Variants in PLPPR5 observed in about 807,000 individuals in gnomAD.
The protein encoded by PLPPR5 is phospholipid phosphatase-related protein type 5.
Under a neutral mutation model 33.9 loss-of-function variants are expected in PLPPR5, and 16 were observed. That is an observed-to-expected ratio of 0.47 (90% CI 0.32 to 0.72). The LOEUF is 0.72. Ranked by LOEUF, PLPPR5 falls within the 30% of genes least tolerant of loss-of-function variation. PLPPR5 has a pLI of 0.03. For missense variants in PLPPR5, 301 were observed against 406.7 expected, an observed-to-expected ratio of 0.74 and a Z score of 2.23; for synonymous variants, 163 against 150.3, an observed-to-expected ratio of 1.08 and a Z score of -0.62.
intron 1 of PLPPR5, among the ~76,000 whole-genome samples, chr1:98,960,891 C>T (rs1408603071): frequency 1.3e-5 from 2 of 152,182 alleles, no homozygotes; most frequent in Non-Finnish European, 1.5e-5. Context: ...CTACAGGCTC[C>T]TCCTAGCCAA....
chr1:98,977,156 A>G (rs1651892303), intron 1 of PLPPR5, among the ~76,000 whole-genome samples: 1 of 152,112 alleles, frequency 6.6e-6, no homozygotes, highest in Admixed American at 6.6e-5. Context: ...AAAATGCCAT[A>G]TGATGGAGAC....
chr1:98,954,884 T>C (rs1650945063), intron 2 of PLPPR5, among the ~76,000 whole-genome samples: 1 of 152,112 alleles, frequency 6.6e-6, no homozygotes, highest in Non-Finnish European at 1.5e-5. Flanking sequence ...CTGTTTGGTG[T>C]AACGGGTTTT....
rs1204287491 is a variant in PLPPR5 at position 98,938,812 on chromosome 1, C to T, written c.621+14258G>A. On this transcript the variant is annotated intron_variant, in intron 3 of 5. Transcript: ENST00000263177. ...ATGCAGCTGTAAAAATAAATGAGAT[C>T]ATGTCCTCTAAAGGAACATGGATGG... 2.0e-5 allele frequency among the ~76,000 whole-genome samples: 3 copies of T among 152,232 alleles called. No individual in the cohort carries two copies. In the East Asian group the frequency reaches 5.8e-4, roughly 29 times the overall value.
intron 1 of PLPPR5, among the ~76,000 whole-genome samples, chr1:98,979,291 G>A (rs1185089457): frequency 1.3e-5 from 2 of 151,940 alleles, no homozygotes; most frequent in Non-Finnish European, 2.9e-5. Flanking sequence ...AAAATGCCAG[G>A]GTTATGTTCT....
chr1:98,978,257 G>A (rs1383953389), intron 1 of PLPPR5, among the ~76,000 whole-genome samples: 2 of 151,940 alleles, frequency 1.3e-5, no homozygotes, highest in African/African-American at 4.8e-5. Context: ...AGGGAGGGGT[G>A]CTACATTTTC....
chr1:98,953,924 T>A (rs2101214576), intron 2 of PLPPR5, among the ~76,000 whole-genome samples: 1 of 152,300 alleles, frequency 6.6e-6, no homozygotes, highest in Non-Finnish European at 1.5e-5. Flanking sequence ...TTTTTTAAAG[T>A]CATAGAACAG....
In PLPPR5 at chr1:98,994,708, A is replaced by C. The variant is rs1042881317; in HGVS notation, c.237+9727T>G. Reference sequence around the variant, plus strand: ...CATAGTCACCAGCATTTTATCAGAAAGGTCCCACTCCAAAGTCTTTTTGCT... The same window carrying C: ...CATAGTCACCAGCATTTTATCAGAACGGTCCCACTCCAAAGTCTTTTTGCT... On this transcript the variant is annotated intron_variant, in intron 1 of 5. Coordinates refer to ENST00000263177, the MANE Select transcript of PLPPR5 (RefSeq NM_001037317.2). Among the ~76,000 whole-genome samples the C allele has an allele frequency of 2.0e-5, 3 of 152,152 alleles. No individual in the cohort carries two copies. The South Asian group carries it at 6.2e-4, about 32-fold the overall frequency.
chr1:98,974,699 T>C (rs1651783196), intron 1 of PLPPR5, among the ~76,000 whole-genome samples: 1 of 152,094 alleles, frequency 6.6e-6, no homozygotes, highest in South Asian at 2.1e-4. Flanking sequence ...CAAGCTGTGA[T>C]TCAGTATCAA....
chr1:98,982,458 T>C (rs1652089484), intron 1 of PLPPR5, among the ~76,000 whole-genome samples: 1 of 152,120 alleles, frequency 6.6e-6, no homozygotes. Flanking sequence ...CAGTTTTAGC[T>C]GGCAGGATAA....
intron 1 of PLPPR5, among the ~76,000 whole-genome samples, chr1:98,979,439 T>C (rs1222134903): frequency 6.6e-6 from 1 of 152,114 alleles, no homozygotes; most frequent in East Asian, 1.9e-4. Context: ...TGATAGAGCC[T>C]ATACAAACGT....
intron 1 of PLPPR5, among the ~76,000 whole-genome samples, chr1:98,983,932 TG>T (rs1652150201): frequency 6.8e-6 from 1 of 148,098 alleles, no homozygotes; most frequent in African/African-American, 2.5e-5. Flanking sequence ...CACTTTTTGA[TG>T]GGTTGTTTTT....
intron 3 of PLPPR5, among the ~76,000 whole-genome samples, chr1:98,927,840 G>A (rs190862784): frequency 0.013 from 2,046 of 152,060 alleles, 18 homozygotes; most frequent in Middle Eastern, 0.017. Flanking sequence ...CCTTCCCCTA[G>A]GTTGGTGGTA....
upstream of PLPPR5, among the ~76,000 whole-genome samples, chr1:99,005,486 A>T (rs553847210): frequency 4.3e-4 from 66 of 152,072 alleles, no homozygotes; most frequent in Non-Finnish European, 7.4e-5. Flanking sequence ...ATATATATGT[A>T]TATACAAATA....
rs1288078148 is a variant in PLPPR5, at chr1:98,980,405, A to G, written c.238-23664T>C. Among the ~76,000 whole-genome samples the G allele has an allele frequency of 2.2e-4, 34 of 152,064 alleles. 1 individual carries two copies. The highest frequency in any genetic ancestry group is 2.2e-3 in the Admixed American group (34 of 15,254). ...AACTTATGCAAATCCAATTAATCCA[A>G]TCAAAACTTATTTGTGTAAAAGCCT... On this transcript the variant is annotated intron_variant, in intron 1 of 5. Coordinates refer to ENST00000263177, the MANE Select transcript of PLPPR5 (RefSeq NM_001037317.2).
chr1:98,922,118 A>G, intron 3 of PLPPR5, 60 bp from the exon 4 acceptor site: 2 of 1,469,730 alleles, frequency 1.4e-6, no homozygotes, highest in Non-Finnish European at 1.9e-6. Flanking sequence ...TTAGCATAGC[A>G]TATTATGTGT....
chr1:98,964,487 G>T (rs1348526308), intron 1 of PLPPR5, among the ~76,000 whole-genome samples: 1 of 152,094 alleles, frequency 6.6e-6, no homozygotes, highest in East Asian at 1.9e-4. Context: ...GGACATGAAA[G>T]AAAAAGGAGG....
rs60624111 is a variant in PLPPR5 at position 98,928,548 on chromosome 1, C to CATATATATATATAT, written c.622-6504_622-6491dup. On this transcript the variant is annotated intron_variant, in intron 3 of 5. Transcript: ENST00000263177. ...AAAAAACTATTAGAAAGTTTTAAAT[C>CATATATATATATAT]ATATATATATATATATATATATATG... Among the ~76,000 whole-genome samples, 318 of 73,864 alleles carry CATATATATATATAT rather than the reference C, an allele frequency of 4.3e-3. 18 individuals carry two copies. Among genetic ancestry groups the CATATATATATATAT allele is most frequent in the African/African-American group, 0.011 (266 of 24,780 alleles). The allele number at this position is 73,864 out of a possible 152,430, so 48.5% of individuals were successfully genotyped here.
chr1:98,968,862 T>C (rs1651546420), intron 1 of PLPPR5, among the ~76,000 whole-genome samples: 1 of 152,110 alleles, frequency 6.6e-6, no homozygotes, highest in Non-Finnish European at 1.5e-5. Context: ...CATTAGCTAC[T>C]AAGATACAAA....
intron 1 of PLPPR5, among the ~76,000 whole-genome samples, chr1:98,972,787 T>A (rs2100744825): frequency 6.6e-6 from 1 of 152,190 alleles, no homozygotes; most frequent in East Asian, 1.9e-4. Context: ...CAGGTCCTGA[T>A]GGCCCTGATC....
Sources: allele counts gnomAD v4.1 joint callset (sites outside exome capture counted in the v4.1 genomes callset), GRCh38; gene constraint gnomAD v4.1.1; transcripts MANE v1.5; gene names NCBI Gene and HGNC (gene_info 2026-07-23, HGNC 2026-07-21).